DPP10: variants seen among roughly 807,000 people sequenced by gnomAD.
DPP10 encodes inactive dipeptidyl peptidase 10.
In DPP10, 33 loss-of-function variants were observed where a neutral mutation model predicts 120.9. That is an observed-to-expected ratio of 0.27 (90% confidence interval 0.21 to 0.37). The LOEUF (loss-of-function observed/expected upper bound fraction) is 0.37, where lower values mean the gene tolerates loss of function less well. DPP10 is among the 10% of genes least tolerant of loss of function. The pLI, the probability that DPP10 is intolerant of heterozygous loss-of-function variation, is 1.00. For missense variants in DPP10, 816 were observed against 942.8 expected (o/e 0.87, Z 1.76); for synonymous variants, 337 against 326.1 (o/e 1.03, Z -0.36).
intron 1 of DPP10, among the ~76,000 whole-genome samples, chr2:114,894,074 GAAGAGTGTCC>G (rs1243351314): frequency 2.0e-5 from 3 of 152,180 alleles, no homozygotes; most frequent in African/African-American, 7.2e-5. Flanking sequence ...TCCCAAGAGA[GAAGAGTGTCC>G]AACTGGTGCA....
At chr2:114,604,056 C>A (rs1429111219) in intron 1 of DPP10, among the ~76,000 whole-genome samples, 2 of 152,090 alleles carry the variant, frequency 1.3e-5, no homozygotes, top group Non-Finnish European at 2.9e-5. Flanking sequence ...TTAATTTCTT[C>A]AGCAAGGAGT....
At chr2:114,497,258 TGTGTATACATGTACATGTATAC>T (rs1196549981) in intron 1 of DPP10, among the ~76,000 whole-genome samples, 15,201 of 105,836 alleles carry the variant, frequency 0.14, 1,393 homozygotes, top group South Asian at 0.2. Context: ...TGCATGTACG[TGTGTATACATGTACATGTATAC>T]GTGTATACAT....
At chr2:114,689,784 C>A (rs748177814) in intron 1 of DPP10, among the ~76,000 whole-genome samples, 1 of 150,918 alleles carries the variant, frequency 6.6e-6, no homozygotes, top group Admixed American at 6.6e-5. Flanking sequence ...TTCTGACTAG[C>A]ATGGTACCTC....
At chr2:115,755,396 A>G (rs2149761551) in intron 11 of DPP10, among the ~76,000 whole-genome samples, 1 of 152,240 alleles carries the variant, frequency 6.6e-6, no homozygotes, top group Non-Finnish European at 1.5e-5. Context: ...CAACAAATGC[A>G]TCAGAACAGA....
At chr2:115,095,535 T>G (rs1709649467) in intron 1 of DPP10, among the ~76,000 whole-genome samples, 1 of 151,988 alleles carries the variant, frequency 6.6e-6, no homozygotes, top group Non-Finnish European at 1.5e-5. Context: ...AGGAAAATGT[T>G]ATTACTTGTT....
chr2:115,705,053 T>C, intron 7 of DPP10, among the ~76,000 whole-genome samples: 1 of 151,948 alleles, frequency 6.6e-6, no homozygotes, highest in East Asian at 1.9e-4. Context: ...CTCTATCACC[T>C]GTGTTTTTGC....
At chr2:115,010,584 A>G (rs1244454604) in intron 1 of DPP10, among the ~76,000 whole-genome samples, 1 of 152,174 alleles carries the variant, frequency 6.6e-6, no homozygotes, top group African/African-American at 2.4e-5. Context: ...AATCACCAAT[A>G]CAAATCATTC....
At chr2:115,835,765 T>A (rs1329256701) in intron 21 of DPP10, among the ~76,000 whole-genome samples, 1 of 152,188 alleles carries the variant, frequency 6.6e-6, no homozygotes, top group African/African-American at 2.4e-5. Flanking sequence ...TTCAGTATTT[T>A]ATTAAATTAG....
chr2:115,585,558 C>G (rs2082237039), intron 5 of DPP10, among the ~76,000 whole-genome samples: 1 of 151,996 alleles, frequency 6.6e-6, no homozygotes, highest in Non-Finnish European at 1.5e-5. Flanking sequence ...AGTTTTCTTC[C>G]TCCTCTTTCC....
At chr2:115,299,982 T>A (rs2061052140) in intron 1 of DPP10, among the ~76,000 whole-genome samples, 1 of 152,098 alleles carries the variant, frequency 6.6e-6, no homozygotes, top group Non-Finnish European at 1.5e-5. Flanking sequence ...ATCCTTCAAG[T>A]GGTCCTATAA....
chr2:114,740,273 C>T (rs1006244145), intron 1 of DPP10, among the ~76,000 whole-genome samples: 1 of 148,498 alleles, frequency 6.7e-6, no homozygotes, highest in Non-Finnish European at 1.5e-5. Context: ...AACCAAACAC[C>T]GCATGTTCTC....
intron 1 of DPP10, among the ~76,000 whole-genome samples, chr2:115,133,145 G>GTGTATA (rs1338395575): frequency 0.022 from 633 of 28,726 alleles, 12 homozygotes; most frequent in Middle Eastern, 0.045. Context: ...GTGTGTGTGT[G>GTGTATA]TATATATATA....
intron 1 of DPP10, among the ~76,000 whole-genome samples, chr2:114,615,642 A>T (rs1427346036): frequency 6.6e-6 from 1 of 152,148 alleles, no homozygotes; most frequent in Middle Eastern, 3.2e-3. Context: ...TCCCTACTCT[A>T]TGTTTGATTT....
chr2:115,144,412 C>T (rs1047657477), intron 1 of DPP10: 2 of 151,764 alleles, frequency 1.3e-5, no homozygotes, highest in Admixed American at 1.3e-4. Flanking sequence ...CTTTTTACGT[C>T]GAATAGTTAA....
intron 1 of DPP10, among the ~76,000 whole-genome samples, chr2:114,522,129 G>A (rs1167358385): frequency 4.7e-5 from 7 of 149,192 alleles, no homozygotes; most frequent in South Asian, 2.1e-4. Context: ...ACAGGCGCCC[G>A]CCACTACACC....
chr2:114,497,795 A>G (rs1000250630), intron 1 of DPP10, among the ~76,000 whole-genome samples: 2 of 152,180 alleles, frequency 1.3e-5, no homozygotes, highest in Non-Finnish European at 2.9e-5. Flanking sequence ...CCTTCAATGG[A>G]AAATAAGGCA....
At chr2:115,775,760 A>G (rs1682022639) in intron 13 of DPP10, among the ~76,000 whole-genome samples, 1 of 152,282 alleles carries the variant, frequency 6.6e-6, no homozygotes, top group South Asian at 2.1e-4. Flanking sequence ...TAAAAATACT[A>G]AACCAATTAT....
At chr2:115,161,818 G>GCCCCACCCCACCCCCCCC in intron 1 of DPP10, 1 of 334,976 alleles carries the variant, frequency 3.0e-6, no homozygotes, top group Non-Finnish European at 4.9e-6. Context: ...TCCCCTCCCC[G>GCCCCACCCCACCCCCCCC]CCCCTCCGCT....
intron 1 of DPP10, among the ~76,000 whole-genome samples, chr2:114,510,855 G>A (rs1477535208): frequency 1.3e-5 from 2 of 152,150 alleles, no homozygotes; most frequent in African/African-American, 2.4e-5. Flanking sequence ...AGTGACAATT[G>A]TACACTCAAA....
Sources: gnomAD v4.1 joint callset for allele counts (sites outside exome capture counted in the v4.1 genomes callset) on GRCh38, gnomAD v4.1.1 for gene constraint, MANE v1.5 for transcripts, NCBI Gene and HGNC (gene_info 2026-07-23, HGNC 2026-07-21) for gene names.